TUBGCP3: variants seen among roughly 807,000 people sequenced by gnomAD.
The protein encoded by TUBGCP3 is gamma-tubulin complex component 3.
In TUBGCP3, 50 loss-of-function variants were observed where a neutral mutation model predicts 123.1. That is an observed-to-expected ratio of 0.41 (90% CI 0.32 to 0.51). The LOEUF is 0.51. Among genes scored for constraint, TUBGCP3 ranks in the 20% least tolerant of loss-of-function variants. The probability of loss-of-function intolerance (pLI) is 0.36; values close to 1 mark genes in which losing one functional copy is unlikely to be tolerated. For synonymous variants in TUBGCP3, 405 were observed against 413.9 expected, an observed-to-expected ratio of 0.98 and a Z score of 0.26; for missense variants, 882 against 1,127.0, an observed-to-expected ratio of 0.78 and a Z score of 3.11.
chr13:112,585,736 C>A (rs1400927090), intron 1 of TUBGCP3, among the ~76,000 whole-genome samples: 2 of 151,944 alleles, frequency 1.3e-5, no homozygotes, highest in Non-Finnish European at 2.9e-5. Flanking sequence ...CCACTGCACT[C>A]CAGCCTAGGT....
At position 112,508,841 on chromosome 13, in the gene TUBGCP3, C is replaced by T. The variant is rs555380419; in HGVS notation, c.2087-4127G>A. 1.7e-4 allele frequency among the ~76,000 whole-genome samples: 26 copies of T among 152,268 alleles called. No homozygotes were observed. The highest frequency in any genetic ancestry group is 1.4e-3 in the East Asian group (7 of 5,174). On this transcript the variant is annotated intron_variant, in intron 17 of 21. Transcript: ENST00000261965. The surrounding 1 kb of genome is among the most constrained non-coding windows in gnomAD (Gnocchi z 4.2). ...CCAACCACCTCCTGGCCTCCGTACA[C>T]GCATCACCTGGTCCTGCTGGCGCCA...
At chr13:112,494,082 C>T (rs1344129909) in intron 20 of TUBGCP3, among the ~76,000 whole-genome samples, 2 of 150,322 alleles carry the variant, frequency 1.3e-5, no homozygotes, top group Middle Eastern at 3.3e-3. Flanking sequence ...GCTATGGGAA[C>T]GGGGCCTGGT....
chr13:112,596,483 C>T, the TUBGCP3 span, among the ~76,000 whole-genome samples: 13 of 152,248 alleles, frequency 8.5e-5, no homozygotes, highest in African/African-American at 2.9e-4. Context: ...TAGTTTTCCC[C>T]TGATGCTAGG....
chr13:112,588,425 C>T (rs1402747395), upstream of TUBGCP3, among the ~76,000 whole-genome samples: 2 of 152,076 alleles, frequency 1.3e-5, no homozygotes, highest in South Asian at 2.1e-4. Flanking sequence ...TGTGTGTTAA[C>T]GGCATTGGTT....
intron 20 of TUBGCP3, 185 bp from the exon 21 acceptor site, chr13:112,489,882 A>G: frequency 3.4e-6 from 2 of 582,878 alleles, no homozygotes; most frequent in South Asian, 4.6e-5. Context: ...TCCAGTTAAC[A>G]ATGTGTGTTG....
chr13:112,601,144 G>A, the TUBGCP3 span, among the ~76,000 whole-genome samples: 9 of 137,900 alleles, frequency 6.5e-5, no homozygotes, highest in Admixed American at 1.6e-4. Flanking sequence ...CCAAGATCAC[G>A]CCACTGCACT....
chr13:112,488,480 T>G (rs1415343951), intron 21 of TUBGCP3, among the ~76,000 whole-genome samples: 1 of 152,138 alleles, frequency 6.6e-6, no homozygotes, highest in Non-Finnish European at 1.5e-5. Context: ...TGCCGGCCCC[T>G]CACCCAGGCT....
intron 19 of TUBGCP3, among the ~76,000 whole-genome samples, chr13:112,500,355 A>G (rs981687059): frequency 1.3e-5 from 2 of 152,236 alleles, no homozygotes; most frequent in Non-Finnish European, 2.9e-5. Flanking sequence ...ACAAAGCATC[A>G]TTTTAACGTC....
rs376740769 is a variant in TUBGCP3 at position 112,554,028 on chromosome 13, T to C, written c.966+29A>G. The stretch of plus-strand genomic sequence containing the variant: ...TAAGCGTTTCCCAAAGTGCGCAGCA[T>C]CCCAGCATCCTAGGAACCATGAACG... On this transcript the variant is annotated intron_variant, in intron 8 of 21. Coordinates refer to ENST00000261965, the MANE Select transcript of TUBGCP3 (RefSeq NM_006322.6). The C allele has an allele frequency of 1.8e-5, 29 of 1,602,414 alleles. No homozygotes were observed. In the African/African-American group the frequency reaches 3.6e-4, roughly 20 times the overall value.
At chr13:112,588,535 G>A (rs1882791980), upstream of TUBGCP3, among the ~76,000 whole-genome samples, 1 of 152,190 alleles carries the variant, frequency 6.6e-6, no homozygotes, top group Non-Finnish European at 1.5e-5. Context: ...CGTGCAGTGG[G>A]CAGTTCACCT....
chr13:112,580,959 C>T (rs545291895), intron 1 of TUBGCP3, among the ~76,000 whole-genome samples: 1 of 152,190 alleles, frequency 6.6e-6, no homozygotes, highest in Non-Finnish European at 1.5e-5. Context: ...CCTTTGCCCC[C>T]TTAGAGTGAA....
At chr13:112,527,568 T>C in intron 11 of TUBGCP3, 84 bp from the exon 12 acceptor site, 2 of 955,410 alleles carry the variant, frequency 2.1e-6, no homozygotes, top group East Asian at 2.4e-5. Flanking sequence ...GAGTAAGTTA[T>C]TCTAGAAAGC....
intron 14 of TUBGCP3, 137 bp downstream of exon 14, chr13:112,522,182 CT>C (rs1284410668): frequency 1.1e-6 from 1 of 908,932 alleles, no homozygotes; most frequent in African/African-American, 1.7e-5. Flanking sequence ...ATTTTACATT[CT>C]TTTCAGATTT....
At chr13:112,582,964 A>G (rs552222927) in intron 1 of TUBGCP3, among the ~76,000 whole-genome samples, 8 of 152,360 alleles carry the variant, frequency 5.3e-5, no homozygotes, top group African/African-American at 1.2e-4. Context: ...TATTGTCTCT[A>G]TCGAGCACAC....
At chr13:112,507,569 T>C (rs1396074576) in intron 17 of TUBGCP3, among the ~76,000 whole-genome samples, 1 of 152,174 alleles carries the variant, frequency 6.6e-6, no homozygotes, top group Non-Finnish European at 1.5e-5. Context: ...CTATTCTCCA[T>C]TTTCTAGCTC....
In TUBGCP3 at chr13:112,499,131, C is replaced by A; in HGVS notation, c.2362G>T (p.Ala788Ser). The change falls in exon 20 of 22, where the codon GCT becomes TCT. Residue 788 changes from alanine to serine, a missense_variant. Around this residue, in one of 3 missense-constraint regions of TUBGCP3, gnomAD observed 160 missense variants for 220.3 expected, o/e 0.73. Coordinates refer to ENST00000261965, the MANE Select transcript of TUBGCP3 (RefSeq NM_006322.6). ...GCAGCTCTGTATATTGCATCTTGAG[C>A]ATTCTGAAGTTCAATAATTTGATCA... ...VFDQIIELQNAQDAIYRAALE... is the reference protein window; with the variant it reads ...VFDQIIELQNSQDAIYRAALE... The A allele has an allele frequency of 6.2e-7, 1 of 1,613,978 alleles. No individual in the cohort carries two copies. Among genetic ancestry groups the A allele is most frequent in the Non-Finnish European group, 8.5e-7 (1 of 1,179,982 alleles).
chr13:112,544,191 C>A (rs926828268), intron 11 of TUBGCP3, among the ~76,000 whole-genome samples: 2 of 152,118 alleles, frequency 1.3e-5, no homozygotes, highest in Admixed American at 6.5e-5. Context: ...CAGTGGCTCA[C>A]GCCTGTAATC....
intron 17 of TUBGCP3, among the ~76,000 whole-genome samples, chr13:112,513,491 T>C (rs933213174): frequency 6.6e-6 from 1 of 152,204 alleles, no homozygotes; most frequent in African/African-American, 2.4e-5. Flanking sequence ...TTGATGAATA[T>C]TGCTAAAACA....
rs144677422 is a variant in TUBGCP3, at chr13:112,579,252, G to C, written c.76+8653C>G. On this transcript the variant is annotated intron_variant, in intron 1 of 21. Transcript: ENST00000261965. ...ACAACACACTTGCTAGAATAGCTAAGATTAAAAACCACTAACACTGCTGAG... is the reference window on the plus strand; with the variant it reads ...ACAACACACTTGCTAGAATAGCTAACATTAAAAACCACTAACACTGCTGAG... 6.4e-3 allele frequency among the ~76,000 whole-genome samples: 969 copies of C among 152,356 alleles called. 10 individuals are homozygous for C. Among genetic ancestry groups the C allele is most frequent in the African/African-American group, 0.022 (909 of 41,578 alleles).
Sources: allele counts gnomAD v4.1 joint callset (sites outside exome capture counted in the v4.1 genomes callset), GRCh38; gene constraint gnomAD v4.1.1; regional missense constraint gnomAD v4.1.1; non-coding constraint Gnocchi (gnomAD v3.1); transcripts MANE v1.5; gene names NCBI Gene and HGNC (gene_info 2026-07-23, HGNC 2026-07-21).